Variants in GCNT2 observed in about 807,000 individuals in gnomAD.
The protein encoded by GCNT2 is N-acetyllactosaminide beta-1,6-N-acetylglucosaminyl-transferase.
GCNT2 carries 34 observed loss-of-function variants against 34.2 expected under a neutral mutation model. The ratio of observed to expected loss-of-function variants is 1.00; its 90% CI spans 0.76 to 1.32. GCNT2 has a LOEUF of 1.32. GCNT2 is among the 40% of genes most tolerant of loss of function. The pLI is 0.00. For synonymous variants in GCNT2, 212 were observed against 188.0 expected (o/e 1.13, Z -1.04); for missense variants, 584 against 489.4 (o/e 1.19, Z -1.82).
chr6:10,562,670 AAAAAAAAC>A (rs1763053640), intron 3 of GCNT2, among the ~76,000 whole-genome samples: 1 of 149,634 alleles, frequency 6.7e-6, no homozygotes, highest in South Asian at 2.1e-4. Flanking sequence ...AAAAAAAAAA[AAAAAAAAC>A]AAAAAAAAAC....
rs1766270416 is a variant in GCNT2 at position 10,626,645 on chromosome 6, A to G, written c.*38A>G. The G allele has an allele frequency of 1.4e-6, 2 of 1,479,226 alleles. No individual in the cohort carries two copies. The highest frequency in any genetic ancestry group is 1.9e-6 in the Non-Finnish European group (2 of 1,057,542). The allele number at this position is 1,479,226 out of a possible 1,614,324, so 91.6% of individuals were successfully genotyped here. ...CTACTCATGACTGAAGGGAAACTGC[A>G]GCTGGGAAGAGGAGCCTGTTTTTGT... On this transcript the variant is annotated 3_prime_UTR_variant, in exon 5 of 5. Coordinates refer to ENST00000495262, the MANE Select transcript of GCNT2 (RefSeq NM_145649.5).
In GCNT2 at chr6:10,569,261, ACACACACACACACC is replaced by A. The variant is rs1302161553; in HGVS notation, c.925+39427_925+39440del. Among the ~76,000 whole-genome samples the A allele has an allele frequency of 4.0e-5, 6 of 148,992 alleles. No individual in the cohort carries two copies. The East Asian group carries it at 1.2e-3, about 30-fold the overall frequency. On this transcript the variant is annotated intron_variant, in intron 3 of 4. Transcript: ENST00000495262. ...CACACACACACACACACACACACACACACACACACACACCCCCTAGGTAATTTTGCCAAATCCTG... is the reference window on the plus strand; with the variant it reads ...CACACACACACACACACACACACACACCCTAGGTAATTTTGCCAAATCCTG...
At chr6:10,583,579 C>T (rs1233596451) in intron 3 of GCNT2, among the ~76,000 whole-genome samples, 1 of 152,172 alleles carries the variant, frequency 6.6e-6, no homozygotes, top group Non-Finnish European at 1.5e-5. Context: ...TCTGAGAACC[C>T]TCTGTAATGC....
At position 10,627,005 on chromosome 6, in the gene GCNT2, T is replaced by A. The variant is rs75940068; in HGVS notation, c.*398T>A. On this transcript the variant is annotated 3_prime_UTR_variant, in exon 5 of 5. Transcript: ENST00000495262. Reference sequence around the variant, plus strand: ...GAATTAGGTTTCTTTGAAGAAGGAATCTTTTATAACACCTTAACAGTCACC... The same window carrying A: ...GAATTAGGTTTCTTTGAAGAAGGAAACTTTTATAACACCTTAACAGTCACC... 4.0e-3 allele frequency: 828 copies of A among 208,530 alleles called. 5 individuals carry two copies. Among genetic ancestry groups the A allele is most frequent in the African/African-American group, 0.018 (775 of 43,380 alleles). 12.9% of individuals were successfully genotyped at this position (208,530 alleles called of 1,614,324 possible).
rs563541544 is a variant in GCNT2 at position 10,600,533 on chromosome 6, G to C, written c.926-20818G>C. Among the ~76,000 whole-genome samples the C allele has an allele frequency of 5.3e-5, 8 of 152,094 alleles. No homozygotes were observed. In the South Asian group the frequency reaches 1.5e-3, roughly 28 times the overall value. On this transcript the variant is annotated intron_variant, in intron 3 of 4. Coordinates refer to ENST00000495262, the MANE Select transcript of GCNT2 (RefSeq NM_145649.5). The stretch of plus-strand genomic sequence containing the variant: ...CCAGTTCCCAAAATTCCCTCATGCT[G>C]CCCCTGGGAGCCAACCCCTACCCCC...
intron 3 of GCNT2, among the ~76,000 whole-genome samples, chr6:10,549,915 C>A (rs1187318105): frequency 6.6e-6 from 1 of 152,000 alleles, no homozygotes; most frequent in Non-Finnish European, 1.5e-5. Flanking sequence ...ATATAAGCAC[C>A]AGGTGTTTGT....
intron 3 of GCNT2, among the ~76,000 whole-genome samples, chr6:10,618,235 G>A (rs1404399418): frequency 1.3e-5 from 2 of 152,160 alleles, no homozygotes; most frequent in East Asian, 3.8e-4. Flanking sequence ...TTTTAAAAAT[G>A]TAATGTTTTA....
In GCNT2 at chr6:10,529,237, C is replaced by G. The variant is rs780980234; in HGVS notation, c.326C>G (p.Thr109Ser). 6.2e-7 allele frequency: 1 copy of G among 1,614,196 alleles called. No homozygotes were observed. The highest frequency in any genetic ancestry group is 1.7e-5 in the Admixed American group (1 of 60,022). ...GTGACCATCCACAAAGACTTCGGCACTTTTGAGAGGCTCTTCAGGGCGATT... is the reference window on the plus strand; with the variant it reads ...GTGACCATCCACAAAGACTTCGGCAGTTTTGAGAGGCTCTTCAGGGCGATT... ...YTVTIHKDFG[T>S]FERLFRAIYM... Residue 109 changes from threonine to serine, a missense_variant, in exon 3 of 5, where the codon ACT becomes AGT. Transcript: ENST00000495262.
At chr6:10,568,816 T>G (rs1334407735) in intron 3 of GCNT2, among the ~76,000 whole-genome samples, 1 of 152,194 alleles carries the variant, frequency 6.6e-6, no homozygotes, top group East Asian at 1.9e-4. Flanking sequence ...TCACCCTCTC[T>G]GTTTGTGCCA....
At chr6:10,602,775 G>T (rs889716650) in intron 3 of GCNT2, among the ~76,000 whole-genome samples, 18 of 152,192 alleles carry the variant, frequency 1.2e-4, no homozygotes, top group Admixed American at 2.0e-4. Context: ...GCAGCCTGGT[G>T]CCTTGTTTTG....
intron 3 of GCNT2, among the ~76,000 whole-genome samples, chr6:10,550,408 G>A (rs568315311): frequency 5.3e-5 from 8 of 151,922 alleles, no homozygotes; most frequent in East Asian, 1.9e-4. Flanking sequence ...AAAAAAAATC[G>A]AGTAATTTTG....
intron 3 of GCNT2, among the ~76,000 whole-genome samples, chr6:10,541,846 A>G (rs1391684903): frequency 6.6e-6 from 1 of 152,168 alleles, no homozygotes; most frequent in Non-Finnish European, 1.5e-5. Flanking sequence ...CTCCTAAATC[A>G]TTGACAAGCC....
intron 3 of GCNT2, among the ~76,000 whole-genome samples, chr6:10,598,890 A>G (rs1465917432): frequency 6.6e-6 from 1 of 152,172 alleles, no homozygotes; most frequent in Non-Finnish European, 1.5e-5. Flanking sequence ...AGATACTAAC[A>G]TTACCTACCA....
intron 3 of GCNT2, among the ~76,000 whole-genome samples, chr6:10,589,468 G>C (rs530983010): frequency 9.9e-5 from 15 of 152,088 alleles, no homozygotes; most frequent in African/African-American, 2.9e-4. Flanking sequence ...AGGCTTGTCA[G>C]GGTCACTGTG....
intron 3 of GCNT2, among the ~76,000 whole-genome samples, chr6:10,605,183 A>C (rs1765255122): frequency 6.6e-6 from 1 of 150,514 alleles, no homozygotes; most frequent in Admixed American, 6.6e-5. Context: ...TCTCAACCTT[A>C]ACCACATATT....
At chr6:10,567,497 T>C (rs1763337983) in intron 3 of GCNT2, among the ~76,000 whole-genome samples, 1 of 152,218 alleles carries the variant, frequency 6.6e-6, no homozygotes, top group Admixed American at 6.5e-5. Flanking sequence ...CTGACCATGT[T>C]GGAATGTGGT....
rs750171358 is a variant in GCNT2, at chr6:10,529,820, A to G, written c.909A>G (p.Thr303=). ...TYSPDEHFWV[T]LNRIPGVPGS... The stretch of plus-strand genomic sequence containing the variant: ...GCCCCGACGAACATTTCTGGGTGAC[A>G]CTCAACAGGATTCCCGGTATGTACG... The change falls in exon 3 of 5, where the codon ACA becomes ACG. Residue 303 remains threonine, a synonymous_variant. Coordinates refer to ENST00000495262, the MANE Select transcript of GCNT2 (RefSeq NM_145649.5). 2 of 1,613,388 alleles carry G rather than the reference A, an allele frequency of 1.2e-6. No homozygotes were observed. The highest frequency in any genetic ancestry group is 1.7e-6 in the Non-Finnish European group (2 of 1,179,376).
At chr6:10,523,228 C>T (rs1761006055) in intron 1 of GCNT2, among the ~76,000 whole-genome samples, 1 of 151,898 alleles carries the variant, frequency 6.6e-6, no homozygotes, top group Non-Finnish European at 1.5e-5. Flanking sequence ...TCGAGACCAG[C>T]CTACCAGCAT....
rs780409779 is a variant in GCNT2 at position 10,528,862 on chromosome 6, C to T, written c.-50C>T. The T allele has an allele frequency of 2.9e-6, 4 of 1,396,470 alleles. No homozygotes were observed. The Admixed American group carries it at 5.0e-5, about 18-fold the overall frequency. 86.5% of individuals were successfully genotyped at this position (1,396,470 alleles called of 1,614,324 possible). On this transcript the variant is annotated 5_prime_UTR_variant, in exon 3 of 5. Transcript: ENST00000495262. Reference sequence around the variant, plus strand: ...AAAATGTAAGTTAAATATATCTACACTCTGATCCTATCTCAAGAGAGAGAT... The same window carrying T: ...AAAATGTAAGTTAAATATATCTACATTCTGATCCTATCTCAAGAGAGAGAT...
Sources: gnomAD v4.1 joint callset for allele counts (sites outside exome capture counted in the v4.1 genomes callset) on GRCh38, gnomAD v4.1.1 for gene constraint, MANE v1.5 for transcripts, NCBI Gene and HGNC (gene_info 2026-07-23, HGNC 2026-07-21) for gene names.